The following NSD2 variants were observed in gnomAD, a reference collection of about 807,000 sequenced individuals.
The protein encoded by NSD2 is nuclear receptor binding SET domain protein 2, also known as histone-lysine N-methyltransferase NSD2.
Under a neutral mutation model 139.0 loss-of-function variants are expected in NSD2, and 12 were observed. That is an observed-to-expected ratio of 0.09 (90% CI 0.06 to 0.14). The LOEUF is 0.14. Among genes scored for constraint, NSD2 ranks in the 10% least tolerant of loss-of-function variants. NSD2 has a pLI of 1.00. For missense variants in NSD2, 1,155 were observed against 1,745.0 expected (o/e 0.66, Z 6.02); for synonymous variants, 669 against 648.7 (o/e 1.03, Z -0.48).
chr4:1,872,625 AGAGAGAGAGAGC>A lies in NSD2; in HGVS notation c.-30+1085_-30+1096del, dbSNP rs1407339430. 2.6e-3 allele frequency among the ~76,000 whole-genome samples: 368 copies of A among 144,206 alleles called. 1 individual carries two copies. The highest frequency in any genetic ancestry group is 3.5e-3 in the Non-Finnish European group (232 of 65,566). The allele number at this position is 144,206 out of a possible 152,430, so 94.6% of individuals were successfully genotyped here. ...GAGAGAGAGAGAGAGAGAGAGAGAG[AGAGAGAGAGAGC>A]GCGCAGACCCTGTGAAGACAAGACT... On this transcript the variant is annotated intron_variant, in intron 1 of 21. Coordinates refer to ENST00000508803, the MANE Select transcript of NSD2 (RefSeq NM_001042424.3).
intron 1 of NSD2, among the ~76,000 whole-genome samples, chr4:1,878,245 A>ATT (rs1714422281): frequency 2.1e-4 from 8 of 38,472 alleles, no homozygotes; most frequent in African/African-American, 4.9e-4. Context: ...ATATATATAT[A>ATT]TATATATTTT....
chr4:1,917,318 C>G (rs995929699), intron 4 of NSD2, among the ~76,000 whole-genome samples: 1 of 152,094 alleles, frequency 6.6e-6, no homozygotes, highest in Non-Finnish European at 1.5e-5. Context: ...TATACACACA[C>G]ACAGACAGAG....
Position 1,980,435 on chromosome 4 carries a change from A to AG in NSD2, c.*1531dup. 4.3e-6 allele frequency: 1 copy of AG among 233,136 alleles called. No homozygotes were observed. The highest frequency in any genetic ancestry group is 8.5e-6 in the Non-Finnish European group (1 of 117,988). The allele number at this position is 233,136 out of a possible 1,614,324, so 14.4% of individuals were successfully genotyped here. ...TATGGCCTTTTCTTAAAATAACCTAAGGGGGACACATCCATCTTGCAGAGA... is the reference window on the plus strand; with the variant it reads ...TATGGCCTTTTCTTAAAATAACCTAAGGGGGGACACATCCATCTTGCAGAGA... On this transcript the variant is annotated 3_prime_UTR_variant, in exon 22 of 22. Coordinates refer to ENST00000508803, the MANE Select transcript of NSD2 (RefSeq NM_001042424.3).
intron 9 of NSD2, chr4:1,943,628 A>G: frequency 4.8e-6 from 5 of 1,047,284 alleles, no homozygotes; most frequent in Non-Finnish European, 5.8e-6. Flanking sequence ...CTCTGCTCAA[A>G]TGTTGCAGGA....
rs1469222435 is a variant in NSD2, at chr4:1,981,007, A to G, written c.*2098A>G. The G allele has an allele frequency of 8.6e-6, 2 of 233,184 alleles. No individual in the cohort carries two copies. Among genetic ancestry groups the G allele is most frequent in the Non-Finnish European group, 1.7e-5 (2 of 118,042 alleles). The allele number at this position is 233,184 out of a possible 1,614,324, so 14.4% of individuals were successfully genotyped here. A position where few individuals can be genotyped will look rare whatever the true frequency, so the allele number is the denominator to read the frequency against. Reference sequence around the variant, plus strand: ...ACTTGCCCAAAAGATCCCTTCCGGCAGGTAAGGGACTACCAATGCTTACGT... The same window carrying G: ...ACTTGCCCAAAAGATCCCTTCCGGCGGGTAAGGGACTACCAATGCTTACGT... On this transcript the variant is annotated 3_prime_UTR_variant, in exon 22 of 22. Transcript: ENST00000508803.
chr4:1,969,435 T>A (rs1726212885), intron 18 of NSD2, among the ~76,000 whole-genome samples: 1 of 152,076 alleles, frequency 6.6e-6, no homozygotes, highest in South Asian at 2.1e-4. Flanking sequence ...TGCAATGGCG[T>A]GTGCCTATAA....
At chr4:1,944,250 A>G (rs1723393246) in intron 9 of NSD2, 2 of 1,066,134 alleles carry the variant, frequency 1.9e-6, no homozygotes, top group Non-Finnish European at 2.3e-6. Flanking sequence ...CGAGAGGACC[A>G]TCTCCTGGTT....
intron 4 of NSD2, among the ~76,000 whole-genome samples, chr4:1,917,335 A>G (rs761407829): frequency 6.6e-6 from 1 of 152,342 alleles, no homozygotes; most frequent in Non-Finnish European, 1.5e-5. Flanking sequence ...AGAGGGATTA[A>G]TGTAATGTGA....
At chr4:1,906,951 G>A (rs992800366) in intron 3 of NSD2, among the ~76,000 whole-genome samples, 26 of 152,162 alleles carry the variant, frequency 1.7e-4, no homozygotes, top group Admixed American at 6.5e-4. Flanking sequence ...GTGAGCCACC[G>A]TGCCCGGCCT....
chr4:1,872,133 G>C (rs996901542), intron 1 of NSD2, among the ~76,000 whole-genome samples: 1 of 151,988 alleles, frequency 6.6e-6, no homozygotes, highest in East Asian at 1.9e-4. Flanking sequence ...GCGCCCGGGC[G>C]TTGGTCAGCG....
At chr4:1,882,219 C>G (rs1272595220) in intron 1 of NSD2, among the ~76,000 whole-genome samples, 1 of 152,106 alleles carries the variant, frequency 6.6e-6, no homozygotes, top group Non-Finnish European at 1.5e-5. Context: ...ACAGCCCTGT[C>G]TCCTTGAAAT....
At chr4:1,895,641 A>G (rs945909923) in intron 1 of NSD2, among the ~76,000 whole-genome samples, 1 of 151,652 alleles carries the variant, frequency 6.6e-6, no homozygotes. Context: ...CTCCTGGAGG[A>G]TCTCTCACTG....
At chr4:1,940,805 A>G in intron 9 of NSD2, 4 of 1,058,146 alleles carry the variant, frequency 3.8e-6, no homozygotes, top group Non-Finnish European at 4.6e-6. Flanking sequence ...GTTTCCACTC[A>G]TTAGAGGAGT....
In NSD2 at chr4:1,942,766, T is replaced by G. The variant is rs1723228660; in HGVS notation, c.1881+2988T>G. 1 of 1,082,886 alleles carries G rather than the reference T, an allele frequency of 9.2e-7. No homozygotes were observed. Among genetic ancestry groups the G allele is most frequent in the Non-Finnish European group, 1.1e-6 (1 of 889,462 alleles). The allele number at this position is 1,082,886 out of a possible 1,614,324, so 67.1% of individuals were successfully genotyped here. A position where few individuals can be genotyped will look rare whatever the true frequency, so the allele number is the denominator to read the frequency against. On this transcript the variant is annotated intron_variant, in intron 9 of 21. Transcript: ENST00000508803. This position sits in a 1 kb window ranked among gnomAD's most constrained non-coding sequence, Gnocchi z 4.0. ...TCCTCTAGTTTGTAACTTACTGGAC[T>G]TTTGTGGAAAATATCAGCGTCGCTA...
intron 9 of NSD2, chr4:1,943,331 A>G (rs1723293539): frequency 9.6e-6 from 10 of 1,043,696 alleles, no homozygotes; most frequent in South Asian, 4.6e-5. Context: ...GTTGTAAACC[A>G]TTAAGTAATG....
In NSD2 at chr4:1,978,967, C is replaced by A; in HGVS notation, c.*58C>A. Reference sequence around the variant, plus strand: ...GGTGCAGGGCGGCCGGCCCTGCCTGCGGGAGAGGGCGAGCATGAACTGGCC... The same window carrying A: ...GGTGCAGGGCGGCCGGCCCTGCCTGAGGGAGAGGGCGAGCATGAACTGGCC... On this transcript the variant is annotated 3_prime_UTR_variant, in exon 22 of 22. Transcript: ENST00000508803. 1 of 1,439,878 alleles carries A rather than the reference C, an allele frequency of 6.9e-7. No individual in the cohort carries two copies. Among genetic ancestry groups the A allele is most frequent in the South Asian group, 1.5e-5 (1 of 66,298 alleles). 89.2% of individuals were successfully genotyped at this position (1,439,878 alleles called of 1,614,324 possible). A position where few individuals can be genotyped will look rare whatever the true frequency, so the allele number is the denominator to read the frequency against.
At chr4:1,935,347 C>T (rs1722268257) in intron 7 of NSD2, 85 bp downstream of exon 7, 6 of 1,020,170 alleles carry the variant, frequency 5.9e-6, no homozygotes, top group Non-Finnish European at 8.9e-6. Context: ...TGGGAGCACA[C>T]ATGAGATGCA....
Position 1,952,062 on chromosome 4 carries a change from G to GA in NSD2, c.2014-44dup, listed in dbSNP as rs751434668. 2.5e-6 allele frequency: 4 copies of GA among 1,602,188 alleles called. No homozygotes were observed. In the African/African-American group the frequency reaches 5.3e-5, roughly 21 times the overall value. ...GGCTTCCCTTGTGGTAAGAGGTGCA[G>GA]AAGGGACTGCCGGGCGCTGCTTACC... is the stretch of plus-strand genomic sequence containing the variant. On this transcript the variant is annotated intron_variant, in intron 10 of 21. Coordinates refer to ENST00000508803, the MANE Select transcript of NSD2 (RefSeq NM_001042424.3).
chr4:1,967,872 T>TG (rs1468565203), intron 18 of NSD2, among the ~76,000 whole-genome samples: 7 of 151,804 alleles, frequency 4.6e-5, no homozygotes, highest in African/African-American at 1.7e-4. Flanking sequence ...TAACCATGTG[T>TG]GGGAAAACAG....
Sources: allele counts gnomAD v4.1 joint callset (sites outside exome capture counted in the v4.1 genomes callset), GRCh38; gene constraint gnomAD v4.1.1; non-coding constraint Gnocchi (gnomAD v3.1); transcripts MANE v1.5; gene names NCBI Gene and HGNC (gene_info 2026-07-23, HGNC 2026-07-21).